The following MAN1A1 variants were observed in gnomAD, a reference collection of about 807,000 sequenced individuals.
The protein encoded by MAN1A1 is mannosidase alpha class 1A member 1.
A neutral mutation model predicts 70.8 loss-of-function variants in MAN1A1; 29 were observed. The observed-to-expected ratio is 0.41, with a 90% CI of 0.31 to 0.56. The LOEUF (loss-of-function observed/expected upper bound fraction) is 0.56, where lower values mean the gene tolerates loss of function less well. Ranked by LOEUF, MAN1A1 falls within the 20% of genes least tolerant of loss-of-function variation. The pLI, the probability that MAN1A1 is intolerant of heterozygous loss-of-function variation, is 0.29. For synonymous variants in MAN1A1, 349 were observed against 330.1 expected, an observed-to-expected ratio of 1.06 and a Z score of -0.62; for missense variants, 747 against 841.3, an observed-to-expected ratio of 0.89 and a Z score of 1.39.
Position 119,241,920 on chromosome 6 carries a change from G to A in MAN1A1, c.992+6340C>T, listed in dbSNP as rs13207158. On this transcript the variant is annotated intron_variant, in intron 6 of 12. Coordinates refer to ENST00000368468, the MANE Select transcript of MAN1A1 (RefSeq NM_005907.4). ...TATATGTGTGTGTGTGTGTGTGTGT[G>A]TGTTTGTGTATGTGTGTGTGTGTAT... is the stretch of plus-strand genomic sequence containing the variant. Among the ~76,000 whole-genome samples, 7 of 120,322 alleles carry A rather than the reference G, an allele frequency of 5.8e-5. No individual in the cohort carries two copies. In the South Asian group the frequency reaches 1.9e-3, roughly 33 times the overall value. 78.9% of individuals were successfully genotyped at this position (120,322 alleles called of 152,430 possible). A position where few individuals can be genotyped will look rare whatever the true frequency, so the allele number is the denominator to read the frequency against.
At chr6:119,312,945 G>A (rs1181282351) in intron 2 of MAN1A1, among the ~76,000 whole-genome samples, 1 of 152,122 alleles carries the variant, frequency 6.6e-6, no homozygotes, top group Non-Finnish European at 1.5e-5. Flanking sequence ...AGGAGATCAG[G>A]TGTGACAGGG....
chr6:119,234,984 C>A (rs895279859), intron 6 of MAN1A1, among the ~76,000 whole-genome samples: 7 of 152,078 alleles, frequency 4.6e-5, no homozygotes, highest in African/African-American at 1.7e-4. Context: ...TCAGATGGTA[C>A]AATTCTAAGT....
chr6:119,180,941 T>C (rs1305884606), intron 11 of MAN1A1, among the ~76,000 whole-genome samples: 1 of 152,226 alleles, frequency 6.6e-6, no homozygotes, highest in African/African-American at 2.4e-5. Context: ...ATGGACCACA[T>C]ATCTTACCTA....
In MAN1A1 at chr6:119,286,937, C is replaced by A. The variant is rs575480815; in HGVS notation, c.897+3746G>T. Among the ~76,000 whole-genome samples the A allele has an allele frequency of 9.2e-5, 14 of 152,230 alleles. No individual in the cohort carries two copies. In the East Asian group the frequency reaches 2.7e-3, roughly 29 times the overall value. ...CGAAATCTTATTGTTGGCTCCTACA[C>A]GTCCTATCTCCCTACTCTTCTCACA... On this transcript the variant is annotated intron_variant, in intron 5 of 12. Transcript: ENST00000368468.
intron 7 of MAN1A1, among the ~76,000 whole-genome samples, chr6:119,202,008 T>G (rs1346610156): frequency 6.6e-6 from 1 of 152,136 alleles, no homozygotes; most frequent in Non-Finnish European, 1.5e-5. Flanking sequence ...CGTTACTGTA[T>G]AGTACTGTAA....
chr6:119,348,974 G>A lies in MAN1A1; in HGVS notation c.92C>T (p.Ser31Leu). The A allele has an allele frequency of 6.7e-7, 1 of 1,496,266 alleles. No homozygotes were observed. The highest frequency in any genetic ancestry group is 2.2e-5 in the Admixed American group (1 of 44,564). The allele number at this position is 1,496,266 out of a possible 1,614,324, so 92.7% of individuals were successfully genotyped here. Residue 31 changes from serine to leucine, a missense_variant, in exon 2 of 13, where the codon TCG becomes TTG. Around this residue, in one of 2 missense-constraint regions of MAN1A1, gnomAD observed 328 missense variants for 293.1 expected, o/e 1.12. Transcript: ENST00000368468. ...CGTCAGGCGGAGGGCGGCGGGGCCC[G>A]ACCCCTTCCTGCCACCGCCGCCGCC... ...GLGGGGGRKG[S>L]GPAALRLTEK...
At chr6:119,202,165 G>A (rs1773731143) in intron 7 of MAN1A1, among the ~76,000 whole-genome samples, 1 of 151,672 alleles carries the variant, frequency 6.6e-6, no homozygotes, top group Non-Finnish European at 1.5e-5. Flanking sequence ...ATAACCATTA[G>A]CTTAAAACAC....
chr6:119,251,295 C>T (rs891523244), intron 5 of MAN1A1, among the ~76,000 whole-genome samples: 7 of 152,190 alleles, frequency 4.6e-5, no homozygotes, highest in Non-Finnish European at 1.0e-4. Flanking sequence ...GCTCTACTAA[C>T]GGTTCAACCA....
intron 6 of MAN1A1, among the ~76,000 whole-genome samples, chr6:119,223,937 A>C (rs570107050): frequency 4.0e-4 from 61 of 152,330 alleles, no homozygotes; most frequent in African/African-American, 1.4e-3. Context: ...TTAACCATTG[A>C]AAGACACCAA....
intron 5 of MAN1A1, among the ~76,000 whole-genome samples, chr6:119,255,380 G>A (rs1488682712): frequency 6.6e-6 from 1 of 152,154 alleles, no homozygotes; most frequent in African/African-American, 2.4e-5. Context: ...AGATGCCATA[G>A]ACACAACAAA....
chr6:119,290,582 C>T, intron 5 of MAN1A1, 101 bp downstream of exon 5: 2 of 751,522 alleles, frequency 2.7e-6, no homozygotes, highest in Non-Finnish European at 4.4e-6. Flanking sequence ...ATAAAAATTC[C>T]ATAGATTCCT....
At chr6:119,189,156 C>G (rs924432119) in intron 10 of MAN1A1, among the ~76,000 whole-genome samples, 1 of 152,004 alleles carries the variant, frequency 6.6e-6, no homozygotes, top group African/African-American at 2.4e-5. Flanking sequence ...TACTGAGCAC[C>G]CACCAGGCAG....
chr6:119,206,500 A>C (rs1253622381), intron 6 of MAN1A1, among the ~76,000 whole-genome samples: 1 of 152,212 alleles, frequency 6.6e-6, no homozygotes, highest in Admixed American at 6.5e-5. Flanking sequence ...GTTTCCTCCA[A>C]AACACTGATA....
At chr6:119,226,575 C>T (rs956368037) in intron 6 of MAN1A1, among the ~76,000 whole-genome samples, 10 of 152,158 alleles carry the variant, frequency 6.6e-5, no homozygotes, top group African/African-American at 2.4e-4. Flanking sequence ...TTGAAAAAGA[C>T]AGTAGGGAAT....
intron 6 of MAN1A1, among the ~76,000 whole-genome samples, chr6:119,215,202 GA>G (rs147930368): frequency 0.11 from 15,157 of 142,860 alleles, 963 homozygotes; most frequent in Non-Finnish European, 0.14. Flanking sequence ...AGTATAAAAA[GA>G]AAAAAAAAAC....
Position 119,349,701 on chromosome 6 carries a change from T to C in MAN1A1, c.-382A>G, listed in dbSNP as rs1235923036. 2 of 985,776 alleles carry C rather than the reference T, an allele frequency of 2.0e-6. No individual in the cohort carries two copies. The highest frequency in any genetic ancestry group is 1.1e-4 in the East Asian group (1 of 8,786). The allele number at this position is 985,776 out of a possible 1,614,324, so 61.1% of individuals were successfully genotyped here. A position where few individuals can be genotyped will look rare whatever the true frequency, so the allele number is the denominator to read the frequency against. On this transcript the variant is annotated 5_prime_UTR_variant, in exon 1 of 13. Coordinates refer to ENST00000368468, the MANE Select transcript of MAN1A1 (RefSeq NM_005907.4). The stretch of plus-strand genomic sequence containing the variant: ...GCTCAGGTGGGCGAGCGCGCCGACC[T>C]GCGGGCGAATGGCAGCGAGTAGAGC...
At chr6:119,279,244 A>G (rs1776163072) in intron 5 of MAN1A1, among the ~76,000 whole-genome samples, 1 of 152,186 alleles carries the variant, frequency 6.6e-6, no homozygotes, top group African/African-American at 2.4e-5. Flanking sequence ...CAATTCAATC[A>G]GTCCATTTTC....
At chr6:119,322,755 G>GT (rs1320373011) in intron 2 of MAN1A1, among the ~76,000 whole-genome samples, 2 of 152,190 alleles carry the variant, frequency 1.3e-5, no homozygotes, top group Non-Finnish European at 2.9e-5. Flanking sequence ...AAACTGTTGA[G>GT]TTTTTTCCAA....
chr6:119,249,227 G>C (rs982531427), intron 5 of MAN1A1, among the ~76,000 whole-genome samples: 1 of 152,130 alleles, frequency 6.6e-6, no homozygotes, highest in African/African-American at 2.4e-5. Context: ...CTGACAAAAA[G>C]GGGATACTGG....
Sources: gnomAD v4.1 joint callset for allele counts (sites outside exome capture counted in the v4.1 genomes callset) on GRCh38, gnomAD v4.1.1 for gene constraint, gnomAD v4.1.1 regional missense constraint, MANE v1.5 for transcripts, NCBI Gene and HGNC (gene_info 2026-07-23, HGNC 2026-07-21) for gene names.